ATP6AP2: variants seen among roughly 807,000 people sequenced by gnomAD.
ATP6AP2 encodes ATPase H+ transporting accessory protein 2, also known as renin receptor.
A neutral mutation model predicts 23.4 loss-of-function variants in ATP6AP2; 1 was observed. The observed-to-expected ratio is 0.04, with a 90% CI of 0.02 to 0.20. The LOEUF (loss-of-function observed/expected upper bound fraction) is 0.20, where lower values mean the gene tolerates loss of function less well. Among genes scored for constraint, ATP6AP2 ranks in the 10% least tolerant of loss-of-function variants. The pLI is 1.00. For missense variants in ATP6AP2, 174 were observed against 271.3 expected (o/e 0.64, Z 2.52); for synonymous variants, 90 against 97.1 (o/e 0.93, Z 0.43).
intron 3 of ATP6AP2, among the ~76,000 whole-genome samples, chrX:40,593,151 G>A (rs1055791111): frequency 9.0e-6 from 1 of 111,023 alleles, no homozygotes; most frequent in Non-Finnish European, 1.9e-5. Flanking sequence ...AGTGGCTGAG[G>A]CACGAGAATT....
intron 3 of ATP6AP2, among the ~76,000 whole-genome samples, chrX:40,596,622 G>T (rs752840427): frequency 9.0e-6 from 1 of 110,889 alleles, no homozygotes; most frequent in Non-Finnish European, 1.9e-5. Context: ...TATGTATTTT[G>T]CACTTTAATA....
At position 40,605,554 on chromosome X, in the gene ATP6AP2, A is replaced by G. The variant is rs1927052679; in HGVS notation, c.859-7A>G. 1.7e-6 allele frequency: 2 copies of G among 1,189,823 alleles called. No individual in the cohort carries two copies. Among genetic ancestry groups the G allele is most frequent in the Non-Finnish European group, 1.1e-6 (1 of 878,153 alleles). ...CTCTTGATTTTTCTTTCTTTTCTAT[A>G]TTGTAGAAGAACCCAGCAAGTCCCT... On this transcript the variant is annotated splice_polypyrimidine_tract_variant and splice_region_variant and intron_variant, in intron 8 of 8. Transcript: ENST00000636580.
intron 3 of ATP6AP2, among the ~76,000 whole-genome samples, chrX:40,592,974 A>G (rs979412699): frequency 3.6e-5 from 4 of 112,412 alleles, no homozygotes; most frequent in African/African-American, 1.3e-4. Context: ...GGAGCCCGGC[A>G]CCATGGCTCA....
chrX:40,588,916 T>C, intron 1 of ATP6AP2, 70 bp from the exon 2 acceptor site: 2 of 1,098,045 alleles, frequency 1.8e-6, no homozygotes, highest in Non-Finnish European at 2.5e-6. Context: ...ACATGTATTA[T>C]ATTTAATAAT....
Position 40,581,093 on chromosome X carries a change from T to C in ATP6AP2, c.28T>C (p.Leu10=), listed in dbSNP as rs1179524273. 1 of 1,162,976 alleles carries C rather than the reference T, an allele frequency of 8.6e-7. No homozygotes were observed. Among genetic ancestry groups the C allele is most frequent in the Non-Finnish European group, 1.1e-6 (1 of 871,474 alleles). The change falls in exon 1 of 9, where the codon TTG becomes CTG. Residue 10 remains leucine, a synonymous_variant. Transcript: ENST00000636580. MAVFVVLLA[L]VAGVLGNEFS... is the part of the protein sequence containing the mutation. The stretch of plus-strand genomic sequence containing the variant: ...GGCTGTGTTTGTCGTGCTCCTGGCG[T>C]TGGTGGCGGGTGAGGAGCCGGGGGC...
rs373722439 is a variant in ATP6AP2 at position 40,599,751 on chromosome X, A to T, written c.738+10A>T. On this transcript the variant is annotated intron_variant, in intron 7 of 8. Coordinates refer to ENST00000636580, the MANE Select transcript of ATP6AP2 (RefSeq NM_005765.3). ...TGACGCTCTGCAAAAGGTAAATATC[A>T]ATGCGACATGAGAGGTTGGAGTATG... is the stretch of plus-strand genomic sequence containing the variant. The T allele has an allele frequency of 8.3e-7, 1 of 1,208,021 alleles. No homozygotes were observed. The highest frequency in any genetic ancestry group is 1.1e-6 in the Non-Finnish European group (1 of 894,421).
At chrX:40,585,261 A>T (rs1191532744) in intron 1 of ATP6AP2, among the ~76,000 whole-genome samples, 1 of 111,773 alleles carries the variant, frequency 8.9e-6, no homozygotes, top group African/African-American at 3.3e-5. Flanking sequence ...CTTTACATGG[A>T]GAGGATGAGA....
At chrX:40,588,299 T>A (rs1926527706) in intron 1 of ATP6AP2, among the ~76,000 whole-genome samples, 1 of 107,740 alleles carries the variant, frequency 9.3e-6, no homozygotes, top group African/African-American at 3.4e-5. Context: ...TTCTAAAGTC[T>A]GAAGTGTTTT....
At position 40,589,024 on chromosome X, in the gene ATP6AP2, G is replaced by C; in HGVS notation, c.76G>C (p.Gly26Arg). 2.5e-6 allele frequency: 3 copies of C among 1,209,980 alleles called. No homozygotes were observed. The highest frequency in any genetic ancestry group is 3.4e-6 in the Non-Finnish European group (3 of 894,299). Residue 26 changes from glycine to arginine, a missense_variant, in exon 2 of 9, where the codon GGG becomes CGG. By Grantham distance (125) the Gly-to-Arg change is moderately radical. Transcript: ENST00000636580. ...CGAGTTTAGTATATTAAAATCACCA[G>C]GGTCTGTTGTTTTCCGAAATGGAAA... ...GNEFSILKSP[G>R]SVVFRNGNWP...
intron 5 of ATP6AP2, 71 bp downstream of exon 5, chrX:40,597,735 C>A: frequency 1.9e-6 from 2 of 1,080,930 alleles, no homozygotes; most frequent in Non-Finnish European, 2.6e-6. Flanking sequence ...GAGACAGGGT[C>A]TCACTCTGTT....
chrX:40,604,417 AAGAG>A (rs1188055176), intron 8 of ATP6AP2, among the ~76,000 whole-genome samples: 2 of 110,828 alleles, frequency 1.8e-5, no homozygotes, highest in Admixed American at 9.6e-5. Context: ...AAGGTGGCAA[AAGAG>A]AGAGAAAGTG....
intron 1 of ATP6AP2, among the ~76,000 whole-genome samples, chrX:40,586,040 G>A (rs960472543): frequency 1.8e-5 from 2 of 110,641 alleles, no homozygotes; most frequent in East Asian, 5.7e-4. Flanking sequence ...TTATAGAATG[G>A]GAGTGCCTTG....
chrX:40,584,447 CT>C (rs1386124823), intron 1 of ATP6AP2, among the ~76,000 whole-genome samples: 2 of 106,828 alleles, frequency 1.9e-5, no homozygotes, highest in African/African-American at 6.9e-5. Context: ...TCTCGGCTCA[CT>C]ACAACCTCCG....
At chrX:40,584,435 G>T (rs1360802088) in intron 1 of ATP6AP2, among the ~76,000 whole-genome samples, 13 of 104,370 alleles carry the variant, frequency 1.2e-4, no homozygotes, top group African/African-American at 4.6e-4. Context: ...GCAGTGGCAC[G>T]ATCTCGGCTC....
chrX:40,593,193 G>C (rs1926682994), intron 3 of ATP6AP2, among the ~76,000 whole-genome samples: 1 of 110,535 alleles, frequency 9.0e-6, no homozygotes, highest in East Asian at 2.8e-4. Flanking sequence ...GTTGCAGTGA[G>C]CTGGGATTGC....
Position 40,599,636 on chromosome X carries a change from A to G in ATP6AP2, c.633A>G (p.Leu211=), listed in dbSNP as rs1926854932. The change falls in exon 7 of 9, where the codon TTA becomes TTG. Residue 211 remains leucine (L), a synonymous_variant. Transcript: ENST00000636580. ...KHLAKDHSPD[L]YSLELAGLDE... ...TAGCCAAGGATCATTCTCCTGATTT[A>G]TATTCACTGGAGCTGGCAGGTTTGG... is the stretch of plus-strand genomic sequence containing the variant. 2.5e-6 allele frequency: 3 copies of G among 1,211,103 alleles called. No individual in the cohort carries two copies. Among genetic ancestry groups the G allele is most frequent in the Non-Finnish European group, 2.2e-6 (2 of 895,101 alleles).
chrX:40,605,842 G>A lies in ATP6AP2; in HGVS notation c.*87G>A. ...CTTTTAGTGTGCTTTAAAGTAGATA[G>A]TATACTTTACATTTATAAAAAAAAA... is the stretch of plus-strand genomic sequence containing the variant. On this transcript the variant is annotated 3_prime_UTR_variant, in exon 9 of 9. Transcript: ENST00000636580. The A allele has an allele frequency of 1.2e-6, 1 of 801,716 alleles. No individual in the cohort carries two copies. The highest frequency in any genetic ancestry group is 2.4e-5 in the South Asian group (1 of 42,362). The allele number at this position is 801,716 out of a possible 1,213,427, so 66.1% of individuals were successfully genotyped here.
intron 1 of ATP6AP2, among the ~76,000 whole-genome samples, chrX:40,582,438 A>T (rs1333512776): frequency 3.6e-5 from 4 of 111,586 alleles, no homozygotes; most frequent in Admixed American, 9.5e-5. Flanking sequence ...AGAAGCAAAA[A>T]CAAACATACA....
In ATP6AP2 at chrX:40,606,001, G is replaced by T; in HGVS notation, c.*246G>T. 3.0e-6 allele frequency: 1 copy of T among 330,464 alleles called. No individual in the cohort carries two copies. Among genetic ancestry groups the T allele is most frequent in the South Asian group, 6.6e-5 (1 of 15,198 alleles). 27.2% of individuals were successfully genotyped at this position (330,464 alleles called of 1,213,427 possible). On this transcript the variant is annotated 3_prime_UTR_variant, in exon 9 of 9. Transcript: ENST00000636580. ...TATGATATAGCCATTTAATAACATT[G>T]ATTTCATTCTGTTTAATGAATTTGG...
Sources: gnomAD v4.1 joint callset for allele counts (sites outside exome capture counted in the v4.1 genomes callset) on GRCh38, gnomAD v4.1.1 for gene constraint, MANE v1.5 for transcripts, NCBI Gene and HGNC (gene_info 2026-07-23, HGNC 2026-07-21) for gene names.